PIGK: variants seen among roughly 807,000 people sequenced by gnomAD.
PIGK encodes the protein phosphatidylinositol glycan anchor biosynthesis class K.
In PIGK, 42 loss-of-function variants were observed where a neutral mutation model predicts 50.6. That is an observed-to-expected ratio of 0.83 (90% confidence interval 0.65 to 1.07). The LOEUF is 1.07. Ranked by LOEUF, PIGK falls within the 50% of genes least tolerant of loss-of-function variation. The pLI is 0.00. For missense variants in PIGK, 448 were observed against 488.7 expected (o/e 0.92, Z 0.78); for synonymous variants, 151 against 156.0 (o/e 0.97, Z 0.24).
chr1:77,116,583 TGTGTGTGTGTGTGCGC>T (rs1308851943), intron 10 of PIGK, among the ~76,000 whole-genome samples: 43 of 105,994 alleles, frequency 4.1e-4, no homozygotes, highest in Middle Eastern at 5.2e-3. Context: ...TGTGTGTGTG[TGTGTGTGTGTGTGCGC>T]GTGTGTGTGT....
chr1:77,135,568 CT>C (rs1654488624), intron 9 of PIGK, among the ~76,000 whole-genome samples: 1 of 151,842 alleles, frequency 6.6e-6, no homozygotes, highest in Non-Finnish European at 1.5e-5. Flanking sequence ...TTGTTATAAA[CT>C]ATTATTATTC....
intron 2 of PIGK, among the ~76,000 whole-genome samples, chr1:77,208,587 G>A (rs973522728): frequency 6.6e-6 from 1 of 152,110 alleles, no homozygotes; most frequent in Non-Finnish European, 1.5e-5. Flanking sequence ...GGTAGATGAT[G>A]GCCTGGCTCC....
At chr1:77,102,007 A>G (rs1653555083) in intron 10 of PIGK, among the ~76,000 whole-genome samples, 1 of 152,222 alleles carries the variant, frequency 6.6e-6, no homozygotes, top group African/African-American at 2.4e-5. Flanking sequence ...CATCTCACAC[A>G]CAAAAAAAAT....
intron 10 of PIGK, among the ~76,000 whole-genome samples, chr1:77,111,504 A>C (rs1036262651): frequency 6.6e-6 from 1 of 151,930 alleles, no homozygotes; most frequent in African/African-American, 2.4e-5. Flanking sequence ...AACTATCGCA[A>C]GGACAAAAAA....
At chr1:77,148,777 C>T (rs1217900126) in intron 9 of PIGK, among the ~76,000 whole-genome samples, 3 of 151,356 alleles carry the variant, frequency 2.0e-5, no homozygotes, top group South Asian at 2.1e-4. Context: ...TGCAGTGGCG[C>T]GATCTCGGCT....
intron 10 of PIGK, among the ~76,000 whole-genome samples, chr1:77,115,805 C>G (rs764044971): frequency 5.3e-5 from 8 of 151,998 alleles, no homozygotes; most frequent in Non-Finnish European, 7.4e-5. Context: ...TGCAGCTTAT[C>G]TTAAAAAAAG....
chr1:77,113,380 C>T (rs1353996887), intron 10 of PIGK, among the ~76,000 whole-genome samples: 3 of 151,952 alleles, frequency 2.0e-5, no homozygotes, highest in Non-Finnish European at 1.5e-5. Flanking sequence ...GTGATGAACC[C>T]TAAATTACTA....
chr1:77,149,423 G>A (rs535525062), intron 9 of PIGK, among the ~76,000 whole-genome samples: 86 of 151,900 alleles, frequency 5.7e-4, no homozygotes, highest in Non-Finnish European at 8.2e-4. Context: ...TTATGTAAAT[G>A]AAAACCAAAA....
intron 10 of PIGK, among the ~76,000 whole-genome samples, chr1:77,113,959 A>C (rs1399261113): frequency 6.6e-6 from 1 of 152,136 alleles, no homozygotes; most frequent in African/African-American, 2.4e-5. Flanking sequence ...GAAGAAAGCA[A>C]TTGCAAACAG....
In PIGK at chr1:77,096,898, G is replaced by GT. The variant is rs1237259579; in HGVS notation, c.1072-4409dup. Among the ~76,000 whole-genome samples, 383 of 92,136 alleles carry GT rather than the reference G, an allele frequency of 4.2e-3. 2 individuals are homozygous for GT. Among genetic ancestry groups the GT allele is most frequent in the African/African-American group, 0.013 (339 of 25,412 alleles). The allele number at this position is 92,136 out of a possible 152,430, so 60.4% of individuals were successfully genotyped here. A position where few individuals can be genotyped will look rare whatever the true frequency, so the allele number is the denominator to read the frequency against. On this transcript the variant is annotated intron_variant, in intron 10 of 10. Transcript: ENST00000370812. Reference sequence around the variant, plus strand: ...GGGTTTTTCTTTTTTTTTTTTTTTTGTTTTTTTGTTTTTTTGTTTTGTTTT... The same window carrying GT: ...GGGTTTTTCTTTTTTTTTTTTTTTTGTTTTTTTTGTTTTTTTGTTTTGTTTT...
intron 10 of PIGK, among the ~76,000 whole-genome samples, chr1:77,109,595 T>TGATGG (rs1247495214): frequency 6.6e-6 from 1 of 152,218 alleles, no homozygotes; most frequent in Non-Finnish European, 1.5e-5. Flanking sequence ...AATTAGGTAT[T>TGATGG]GATGGGATGT....
chr1:77,158,858 T>C (rs757987527), intron 8 of PIGK, among the ~76,000 whole-genome samples: 1 of 152,090 alleles, frequency 6.6e-6, no homozygotes, highest in Non-Finnish European at 1.5e-5. Flanking sequence ...AAGCAGAGCA[T>C]AAAAGTTCAG....
intron 1 of PIGK, among the ~76,000 whole-genome samples, chr1:77,211,927 T>C (rs1050458401): frequency 2.0e-5 from 3 of 151,944 alleles, no homozygotes; most frequent in Non-Finnish European, 4.4e-5. Flanking sequence ...TTCAGTCCTG[T>C]AATTGTGAAT....
intron 3 of PIGK, among the ~76,000 whole-genome samples, chr1:77,172,499 G>A (rs1376407633): frequency 4.6e-5 from 7 of 152,148 alleles, no homozygotes; most frequent in Admixed American, 2.6e-4. Context: ...ACTGACCTGG[G>A]TGCAGGATCA....
At chr1:77,173,461 C>T (rs1487199962) in intron 3 of PIGK, among the ~76,000 whole-genome samples, 1 of 152,056 alleles carries the variant, frequency 6.6e-6, no homozygotes. Flanking sequence ...AGTTTGGCCC[C>T]CAGAACTATG....
At chr1:77,169,238 G>A (rs1399027301) in intron 4 of PIGK, 22 bp downstream of exon 4, 1 of 1,446,910 alleles carries the variant, frequency 6.9e-7, no homozygotes, top group Non-Finnish European at 9.3e-7. Context: ...TTTTAAAAAT[G>A]TGGCTAGATT....
intron 9 of PIGK, chr1:77,129,044 A>G: frequency 3.8e-6 from 3 of 780,124 alleles, no homozygotes; most frequent in Non-Finnish European, 4.7e-6. Context: ...CATATGGCCT[A>G]TGACCTACAA....
At chr1:77,130,800 C>T (rs929020730) in intron 9 of PIGK, among the ~76,000 whole-genome samples, 2 of 152,094 alleles carry the variant, frequency 1.3e-5, no homozygotes, top group Non-Finnish European at 2.9e-5. Flanking sequence ...GAGAGCATAC[C>T]TGGAGTCAGA....
rs34115617 is a variant in PIGK at position 77,172,070 on chromosome 1, A to ATT, written c.240-2677_240-2676dup. ...AGCTTCAAGTCTGGTTCTACATTTAATTTTTTTTTTTTTTTTTTTTGTATT... is the reference window on the plus strand; with the variant it reads ...AGCTTCAAGTCTGGTTCTACATTTAATTTTTTTTTTTTTTTTTTTTTTGTATT... On this transcript the variant is annotated intron_variant, in intron 3 of 10. Transcript: ENST00000370812. Among the ~76,000 whole-genome samples, 963 of 130,912 alleles carry ATT rather than the reference A, an allele frequency of 7.4e-3. 9 individuals are homozygous for ATT. Among genetic ancestry groups the ATT allele is most frequent in the South Asian group, 0.018 (73 of 4,034 alleles). The allele number at this position is 130,912 out of a possible 152,430, so 85.9% of individuals were successfully genotyped here. A position where few individuals can be genotyped will look rare whatever the true frequency, so the allele number is the denominator to read the frequency against.
Sources: allele counts gnomAD v4.1 joint callset (sites outside exome capture counted in the v4.1 genomes callset), GRCh38; gene constraint gnomAD v4.1.1; transcripts MANE v1.5; gene names NCBI Gene and HGNC (gene_info 2026-07-23, HGNC 2026-07-21).